Variants in PHKB observed in about 807,000 individuals in gnomAD.
The protein encoded by PHKB is phosphorylase b kinase regulatory subunit beta.
A neutral mutation model predicts 152.1 loss-of-function variants in PHKB; 122 were observed. The observed-to-expected ratio is 0.80, with a 90% CI of 0.69 to 0.93. PHKB has a LOEUF of 0.93. Ranked by LOEUF, PHKB falls within the 40% of genes least tolerant of loss-of-function variation. The probability of loss-of-function intolerance (pLI) is 0.00; values close to 1 mark genes in which losing one functional copy is unlikely to be tolerated. For missense variants in PHKB, 1,304 were observed against 1,328.4 expected (o/e 0.98, Z 0.29); for synonymous variants, 436 against 464.9 (o/e 0.94, Z 0.80).
chr16:47,629,666 A>G (rs1402079848), intron 14 of PHKB, among the ~76,000 whole-genome samples: 1 of 151,936 alleles, frequency 6.6e-6, no homozygotes, highest in Non-Finnish European at 1.5e-5. Flanking sequence ...CAGCCATCCC[A>G]TTACTGGGTA....
At chr16:47,525,395 T>C (rs930979674) in intron 6 of PHKB, among the ~76,000 whole-genome samples, 10 of 152,078 alleles carry the variant, frequency 6.6e-5, no homozygotes, top group African/African-American at 2.4e-4. Flanking sequence ...GATGTATAAA[T>C]AGGAAAAAAT....
At chr16:47,593,579 A>G in intron 11 of PHKB, 22 bp downstream of exon 11, 1 of 1,343,462 alleles carries the variant, frequency 7.4e-7, no homozygotes, top group Non-Finnish European at 1.1e-6. Flanking sequence ...TTTTCCTGAA[A>G]TTTAAGCAAG....
chr16:47,555,034 T>C (rs1971344676), intron 7 of PHKB, among the ~76,000 whole-genome samples: 1 of 152,228 alleles, frequency 6.6e-6, no homozygotes. Context: ...GCTTTTCTAA[T>C]AAAGAAAGCC....
chr16:47,477,761 G>A (rs1479048621), intron 1 of PHKB, among the ~76,000 whole-genome samples: 1 of 152,064 alleles, frequency 6.6e-6, no homozygotes, highest in Non-Finnish European at 1.5e-5. Context: ...CTATCTCTGT[G>A]TACTGATTTT....
At chr16:47,525,806 A>G (rs1970756114) in intron 6 of PHKB, among the ~76,000 whole-genome samples, 1 of 152,236 alleles carries the variant, frequency 6.6e-6, no homozygotes. Context: ...GTAGGGCTAC[A>G]CAGGGAGTTG....
rs554565413 is a variant in PHKB, at chr16:47,685,982, C to T, written c.2631-3059C>T. ...GGTCTCAATCTCCTGACCTCATGAT[C>T]CGCTGCCTCAGCCTCCCACAGTGCT... On this transcript the variant is annotated intron_variant, in intron 26 of 30. Coordinates refer to ENST00000323584, the MANE Select transcript of PHKB (RefSeq NM_000293.3). 8.4e-4 allele frequency among the ~76,000 whole-genome samples: 128 copies of T among 152,276 alleles called. 1 individual carries two copies. Among genetic ancestry groups the T allele is most frequent in the African/African-American group, 2.9e-3 (122 of 41,572 alleles).
At chr16:47,661,369 C>T (rs1973440913) in intron 22 of PHKB, among the ~76,000 whole-genome samples, 1 of 152,124 alleles carries the variant, frequency 6.6e-6, no homozygotes, top group Non-Finnish European at 1.5e-5. Flanking sequence ...GGTTAAATGA[C>T]CTGGCCAAGT....
intron 29 of PHKB, among the ~76,000 whole-genome samples, chr16:47,697,525 G>A (rs2142111656): frequency 6.6e-6 from 1 of 152,276 alleles, no homozygotes; most frequent in South Asian, 2.1e-4. Flanking sequence ...TAGACCTACA[G>A]CAAAACTTCA....
intron 1 of PHKB, among the ~76,000 whole-genome samples, chr16:47,484,485 G>A (rs755120283): frequency 3.3e-5 from 5 of 152,142 alleles, no homozygotes; most frequent in Non-Finnish European, 7.4e-5. Flanking sequence ...ATATATGTAT[G>A]TATGCATATA....
intron 13 of PHKB, among the ~76,000 whole-genome samples, chr16:47,597,636 G>C (rs919487212): frequency 8.6e-5 from 13 of 150,920 alleles, no homozygotes; most frequent in East Asian, 3.9e-4. Flanking sequence ...TTTCCAAAGC[G>C]GGGGGGAAAG....
chr16:47,558,309 C>G (rs1248644380), intron 7 of PHKB, among the ~76,000 whole-genome samples: 3 of 151,600 alleles, frequency 2.0e-5, no homozygotes, highest in Non-Finnish European at 2.9e-5. Flanking sequence ...GTGCAGCACA[C>G]CAGCATGGCA....
intron 1 of PHKB, chr16:47,463,802 G>A: frequency 1.3e-6 from 1 of 769,208 alleles, no homozygotes; most frequent in Non-Finnish European, 2.3e-6. Flanking sequence ...TGCCTTTGTT[G>A]CATACTGCAT....
chr16:47,680,638 G>C (rs1004586044), intron 26 of PHKB, among the ~76,000 whole-genome samples: 1 of 151,936 alleles, frequency 6.6e-6, no homozygotes, highest in African/African-American at 2.4e-5. Flanking sequence ...TTTTTATTGC[G>C]TCTATTTGAT....
intron 7 of PHKB, among the ~76,000 whole-genome samples, chr16:47,574,702 C>T (rs147484152): frequency 2.0e-5 from 3 of 152,228 alleles, no homozygotes; most frequent in Admixed American, 6.5e-5. Flanking sequence ...CCAGTTCTCA[C>T]GGGAACTCAG....
chr16:47,491,270 G>C (rs1426469014), intron 1 of PHKB, among the ~76,000 whole-genome samples: 2 of 152,148 alleles, frequency 1.3e-5, no homozygotes, highest in African/African-American at 4.8e-5. Context: ...GTCCCTTACA[G>C]ACATATAGAA....
In PHKB at chr16:47,580,276, ATTT is replaced by A; in HGVS notation, c.711-18_711-16del. 1 of 1,600,988 alleles carries A rather than the reference ATTT, an allele frequency of 6.2e-7. No individual in the cohort carries two copies. The highest frequency in any genetic ancestry group is 8.6e-7 in the Non-Finnish European group (1 of 1,168,338). ...GCCACATACATTAGAGTAATAAAGC[ATTT>A]CCTTTTCTCTTTTAGCTCGGTTGGT... On this transcript the variant is annotated splice_polypyrimidine_tract_variant and intron_variant, in intron 7 of 30. Transcript: ENST00000323584.
At chr16:47,542,793 T>C (rs1197230863) in intron 6 of PHKB, among the ~76,000 whole-genome samples, 1 of 152,200 alleles carries the variant, frequency 6.6e-6, no homozygotes, top group Non-Finnish European at 1.5e-5. Flanking sequence ...ATGATTTGGC[T>C]CTCTGTTTGT....
intron 25 of PHKB, chr16:47,666,068 G>A (rs372684433): frequency 2.9e-5 from 42 of 1,460,218 alleles, no homozygotes; most frequent in African/African-American, 9.7e-5. Flanking sequence ...ATTTGGTCCC[G>A]GTTGCAAAGA....
At chr16:47,655,749 A>G (rs942161832) in intron 20 of PHKB, among the ~76,000 whole-genome samples, 1 of 152,176 alleles carries the variant, frequency 6.6e-6, no homozygotes, top group African/African-American at 2.4e-5. Context: ...TAATCTTCTC[A>G]TTTTACAAAC....
Sources: allele counts gnomAD v4.1 joint callset (sites outside exome capture counted in the v4.1 genomes callset), GRCh38; gene constraint gnomAD v4.1.1; transcripts MANE v1.5; gene names NCBI Gene and HGNC (gene_info 2026-07-23, HGNC 2026-07-21).